The following GBF1 variants were observed in gnomAD, a reference collection of about 807,000 sequenced individuals.
GBF1 encodes the protein golgi brefeldin A resistant guanine nucleotide exchange factor 1.
In GBF1, 114 loss-of-function variants were observed where a neutral mutation model predicts 210.5. That is an observed-to-expected ratio of 0.54 (90% CI 0.47 to 0.63). GBF1 has a LOEUF of 0.63. Ranked by LOEUF, GBF1 falls within the 30% of genes least tolerant of loss-of-function variation. The probability of loss-of-function intolerance (pLI) is 0.00; values close to 1 mark genes in which losing one functional copy is unlikely to be tolerated. For synonymous variants in GBF1, 850 were observed against 889.2 expected, an observed-to-expected ratio of 0.96 and a Z score of 0.78; for missense variants, 1,851 against 2,357.7, an observed-to-expected ratio of 0.79 and a Z score of 4.45.
Position 102,369,691 on chromosome 10 carries a change from A to C in GBF1, c.3151-20A>C, listed in dbSNP as rs750586433. The C allele has an allele frequency of 7.4e-6, 12 of 1,610,756 alleles. No individual in the cohort carries two copies. Among genetic ancestry groups the C allele is most frequent in the Middle Eastern group, 1.6e-4 (1 of 6,082 alleles). Reference sequence around the variant, plus strand: ...TGCAAAGGACACATGGAAAGAAATTATTTTGACTTACTTTTCCAGGTAGAA... The same window carrying C: ...TGCAAAGGACACATGGAAAGAAATTCTTTTGACTTACTTTTCCAGGTAGAA... On this transcript the variant is annotated intron_variant, in intron 24 of 39. Coordinates refer to ENST00000369983, the MANE Select transcript of GBF1 (RefSeq NM_001377137.1).
chr10:102,236,355 A>G, the GBF1 span, among the ~76,000 whole-genome samples: 5 of 152,246 alleles, frequency 3.3e-5, no homozygotes, highest in Non-Finnish European at 4.4e-5. Context: ...GAGAGTCAGA[A>G]GATAACAGTG....
intron 4 of GBF1, among the ~76,000 whole-genome samples, chr10:102,344,465 GGTTTGTTTGTTT>G (rs10635573): frequency 6.6e-6 from 1 of 150,480 alleles, no homozygotes; most frequent in Admixed American, 6.6e-5. Context: ...AGTTTGGTTA[GGTTTGTTTGTTT>G]GTTTGTTTGT....
chr10:102,356,776 A>T (rs1017607036), intron 8 of GBF1, among the ~76,000 whole-genome samples: 2 of 152,006 alleles, frequency 1.3e-5, no homozygotes, highest in African/African-American at 4.8e-5. Flanking sequence ...CAAAAAAAAA[A>T]AAAAAAAAAA....
At chr10:102,358,435 G>A in intron 9 of GBF1, 71 bp from the exon 10 acceptor site, 1 of 1,071,110 alleles carries the variant, frequency 9.3e-7, no homozygotes, top group East Asian at 2.4e-5. Context: ...AGAGACCCTA[G>A]TACCATAGAG....
At chr10:102,248,324 C>T (rs1016345324) in intron 1 of GBF1, among the ~76,000 whole-genome samples, 1 of 150,428 alleles carries the variant, frequency 6.6e-6, no homozygotes, top group African/African-American at 2.5e-5. Context: ...AGTTGTTTAA[C>T]TAAATGAAAA....
At chr10:102,270,858 G>A (rs532688231) in intron 3 of GBF1, among the ~76,000 whole-genome samples, 67 of 152,046 alleles carry the variant, frequency 4.4e-4, no homozygotes, top group South Asian at 2.1e-4. Context: ...CTTTTTAGAC[G>A]TTTTATTTTA....
chr10:102,244,853 G>T (rs945449345), upstream of GBF1, among the ~76,000 whole-genome samples: 23 of 152,168 alleles, frequency 1.5e-4, no homozygotes, highest in African/African-American at 4.8e-4. Context: ...AATGTAAAAT[G>T]AAGAGACTTA....
rs758836249 is a variant in GBF1 at position 102,366,413 on chromosome 10, C to T, written c.2340C>T (p.Asp780=). The change falls in exon 19 of 40, where the codon GAC becomes GAT. Residue 780 remains aspartate, a synonymous_variant. Coordinates refer to ENST00000369983, the MANE Select transcript of GBF1 (RefSeq NM_001377137.1). This position sits in a 1 kb window ranked among gnomAD's most constrained non-coding sequence, Gnocchi z 4.0. ...STFSFQGLRL[D]EALRLYLEAF... is the part of the protein sequence containing the mutation. Reference sequence around the variant, plus strand: ...TCAGTTTTCAGGGTCTGCGACTGGACGAAGCCCTCCGCCTCTACCTGGAAG... The same window carrying T: ...TCAGTTTTCAGGGTCTGCGACTGGATGAAGCCCTCCGCCTCTACCTGGAAG... The T allele has an allele frequency of 2.7e-5, 44 of 1,613,952 alleles. No individual in the cohort carries two copies. The highest frequency in any genetic ancestry group is 8.8e-5 in the South Asian group (8 of 91,072).
intron 14 of GBF1, 119 bp from the exon 15 acceptor site, chr10:102,362,356 A>C: frequency 1.3e-6 from 1 of 743,628 alleles, no homozygotes. Context: ...ACGCCCGGCC[A>C]GAAAGACGTT....
intron 29 of GBF1, among the ~76,000 whole-genome samples, chr10:102,373,716 T>C (rs2060338627): frequency 6.6e-6 from 1 of 152,252 alleles, no homozygotes; most frequent in Non-Finnish European, 1.5e-5. Flanking sequence ...GCTACTCTGC[T>C]GGCAGTTTCT....
chr10:102,380,576 C>T lies in GBF1; in HGVS notation c.5063C>T (p.Ala1688Val), dbSNP rs2060782585. ...GACACAGCGGAGATTTTCCACAGTG[C>T]AGATGCACGGGGAGGCGGCCCCTCG... ...VMDTAEIFHS[A>V]DARGGGPSAL... is the part of the protein sequence containing the mutation. The change falls in exon 38 of 40, where the codon GCA becomes GTA. Residue 1688 changes from alanine to valine, a missense_variant. By Grantham distance (64) the Ala-to-Val change is moderately conservative. This residue lies in a region of GBF1 where 967 missense variants were observed against 1,247.7 expected (regional missense o/e 0.78). Coordinates refer to ENST00000369983, the MANE Select transcript of GBF1 (RefSeq NM_001377137.1). 1.5e-5 allele frequency: 24 copies of T among 1,614,034 alleles called. No individual in the cohort carries two copies. The highest frequency in any genetic ancestry group is 1.9e-5 in the Non-Finnish European group (22 of 1,179,906).
At chr10:102,309,331 T>C (rs2078207423) in intron 3 of GBF1, among the ~76,000 whole-genome samples, 1 of 152,224 alleles carries the variant, frequency 6.6e-6, no homozygotes, top group African/African-American at 2.4e-5. Flanking sequence ...AAATAGTAAA[T>C]GTTAAATCTG....
At position 102,361,871 on chromosome 10, in the gene GBF1, T is replaced by A. The variant is rs777148756; in HGVS notation, c.1645T>A (p.Cys549Ser). 6.2e-7 allele frequency: 1 copy of A among 1,611,808 alleles called. No homozygotes were observed. Among genetic ancestry groups the A allele is most frequent in the Non-Finnish European group, 8.5e-7 (1 of 1,178,834 alleles). The change falls in exon 14 of 40, where the codon TGT becomes AGT. Residue 549 changes from cysteine (C) to serine (S), a missense_variant. By Grantham distance (112) the Cys-to-Ser change is moderately radical. Around this residue, in one of 3 missense-constraint regions of GBF1, gnomAD observed 804 missense variants for 958.6 expected, o/e 0.84. Transcript: ENST00000369983. ...LYINYDCDYY[C>S]SNLFEELTKL... ...CATCAACTATGATTGTGACTACTACTGTTCCAACCTCTTTGAGGAACTCAC... is the reference window on the plus strand; with the variant it reads ...CATCAACTATGATTGTGACTACTACAGTTCCAACCTCTTTGAGGAACTCAC...
intron 1 of GBF1, among the ~76,000 whole-genome samples, chr10:102,256,661 A>G (rs2072438275): frequency 1.3e-5 from 2 of 151,722 alleles, no homozygotes; most frequent in South Asian, 4.2e-4. Context: ...CTGGGATTAC[A>G]GGCGCCCTCC....
At chr10:102,335,011 C>T (rs1262354105) in intron 3 of GBF1, among the ~76,000 whole-genome samples, 1 of 151,974 alleles carries the variant, frequency 6.6e-6, no homozygotes, top group Non-Finnish European at 1.5e-5. Context: ...GCACCCTGCC[C>T]AGTCGTATTG....
At chr10:102,359,234 C>T (rs1223560959) in intron 10 of GBF1, 33 bp from the exon 11 acceptor site, 1 of 1,534,500 alleles carries the variant, frequency 6.5e-7, no homozygotes, top group South Asian at 1.1e-5. Flanking sequence ...TTGCCTCATC[C>T]CTCTTCCCAT....
intron 1 of GBF1, among the ~76,000 whole-genome samples, chr10:102,249,089 T>C (rs1384852728): frequency 6.6e-6 from 1 of 152,218 alleles, no homozygotes; most frequent in Non-Finnish European, 1.5e-5. Context: ...GTTAAAAGTA[T>C]TTTTAAGCCT....
At chr10:102,233,218 C>G in the GBF1 span, among the ~76,000 whole-genome samples, 2 of 151,932 alleles carry the variant, frequency 1.3e-5, no homozygotes, top group Non-Finnish European at 1.5e-5. Context: ...GCGGTTCTAG[C>G]CTGGCCTTGC....
chr10:102,243,818 T>G (rs986176786), upstream of GBF1, among the ~76,000 whole-genome samples: 4 of 152,096 alleles, frequency 2.6e-5, no homozygotes, highest in Non-Finnish European at 2.9e-5. Context: ...ACGTCTGATA[T>G]CTGATGGGTG....
Sources: gnomAD v4.1 joint callset for allele counts (sites outside exome capture counted in the v4.1 genomes callset) on GRCh38, gnomAD v4.1.1 for gene constraint, gnomAD v4.1.1 regional missense constraint, Gnocchi (gnomAD v3.1) non-coding constraint, MANE v1.5 for transcripts, NCBI Gene and HGNC (gene_info 2026-07-23, HGNC 2026-07-21) for gene names.